PARD3: variants seen among roughly 807,000 people sequenced by gnomAD.
PARD3 encodes par-3 family cell polarity regulator, also known as partitioning defective 3 homolog.
PARD3 carries 75 observed loss-of-function variants against 155.4 expected under a neutral mutation model. The observed-to-expected ratio is 0.48, with a 90% CI of 0.40 to 0.58. The LOEUF (loss-of-function observed/expected upper bound fraction) is 0.58, where lower values mean the gene tolerates loss of function less well. Among genes scored for constraint, PARD3 ranks in the 20% least tolerant of loss-of-function variants. The pLI is 0.00. For synonymous variants in PARD3, 576 were observed against 610.5 expected (o/e 0.94, Z 0.83); for missense variants, 1,642 against 1,721.7 (o/e 0.95, Z 0.82).
intron 2 of PARD3, among the ~76,000 whole-genome samples, chr10:34,525,790 A>G (rs888560465): frequency 9.9e-5 from 15 of 151,932 alleles, no homozygotes; most frequent in African/African-American, 3.6e-4. Flanking sequence ...TATTTTTATT[A>G]ATCAAAAGTC....
chr10:34,178,250 C>T (rs1258891700), intron 22 of PARD3, among the ~76,000 whole-genome samples: 2 of 152,126 alleles, frequency 1.3e-5, no homozygotes, highest in African/African-American at 4.8e-5. Context: ...GACATAATTA[C>T]CTACAGCAAA....
chr10:34,582,689 C>T (rs141737955), intron 2 of PARD3, among the ~76,000 whole-genome samples: 30 of 152,318 alleles, frequency 2.0e-4, no homozygotes, highest in Middle Eastern at 3.4e-3. Context: ...GTGACACAGA[C>T]TAAGCAGTGC....
At chr10:34,250,052 C>T (rs1362416684) in intron 22 of PARD3, among the ~76,000 whole-genome samples, 2 of 152,108 alleles carry the variant, frequency 1.3e-5, no homozygotes, top group East Asian at 1.9e-4. Context: ...TACTTCCTGC[C>T]TGCTGCATAC....
chr10:34,660,566 G>A (rs529359235), intron 2 of PARD3, among the ~76,000 whole-genome samples: 3 of 152,118 alleles, frequency 2.0e-5, no homozygotes, highest in South Asian at 2.1e-4. Flanking sequence ...CTCATCACAC[G>A]GATGCTGAAA....
At chr10:34,615,816 A>C (rs1201616924) in intron 2 of PARD3, among the ~76,000 whole-genome samples, 26 of 152,184 alleles carry the variant, frequency 1.7e-4, no homozygotes. Flanking sequence ...AAGACATACA[A>C]ATGGCCAAGA....
intron 22 of PARD3, among the ~76,000 whole-genome samples, chr10:34,190,927 T>G (rs192478093): frequency 6.6e-6 from 1 of 151,900 alleles, no homozygotes; most frequent in African/African-American, 2.4e-5. Context: ...GTAGTTCAAC[T>G]AGGCTGGTGT....
intron 1 of PARD3, among the ~76,000 whole-genome samples, chr10:34,715,286 C>G (rs1036036805): frequency 6.6e-6 from 1 of 152,074 alleles, no homozygotes; most frequent in African/African-American, 2.4e-5. Context: ...CTGTGTTGCC[C>G]AGGCTGGTCT....
At chr10:34,716,214 A>G (rs2094517499) in intron 1 of PARD3, among the ~76,000 whole-genome samples, 1 of 152,200 alleles carries the variant, frequency 6.6e-6, no homozygotes, top group African/African-American at 2.4e-5. Flanking sequence ...CCTTCAGTTT[A>G]TTTAAGAAAT....
In PARD3 at chr10:34,467,812, T is replaced by C. The variant is rs184171278; in HGVS notation, c.582+2273A>G. Among the ~76,000 whole-genome samples, 105 of 152,328 alleles carry C rather than the reference T, an allele frequency of 6.9e-4. 1 individual carries two copies. The South Asian group carries it at 7.9e-3, about 11-fold the overall frequency. ...GCGTCAGCTAGGTGGATGTGGTTAATTGGCAGTGAGAGTCTCAGTGCTCTC... is the reference window on the plus strand; with the variant it reads ...GCGTCAGCTAGGTGGATGTGGTTAACTGGCAGTGAGAGTCTCAGTGCTCTC... On this transcript the variant is annotated intron_variant, in intron 4 of 24. Coordinates refer to ENST00000374788, the MANE Select transcript of PARD3 (RefSeq NM_001184785.2).
At chr10:34,698,178 C>A (rs976790986) in intron 1 of PARD3, among the ~76,000 whole-genome samples, 2 of 152,156 alleles carry the variant, frequency 1.3e-5, no homozygotes, top group African/African-American at 4.8e-5. Context: ...GCTTATGAAA[C>A]CATTCTTTAA....
chr10:34,437,943 T>C (rs2076271098), intron 5 of PARD3, among the ~76,000 whole-genome samples: 1 of 152,218 alleles, frequency 6.6e-6, no homozygotes, highest in Admixed American at 6.5e-5. Flanking sequence ...ACAACTATCT[T>C]GGGCCTATAA....
At chr10:34,491,541 G>A (rs2079907547) in intron 3 of PARD3, among the ~76,000 whole-genome samples, 1 of 152,126 alleles carries the variant, frequency 6.6e-6, no homozygotes. Flanking sequence ...ACTCCCCAAG[G>A]AAGTAAACAA....
chr10:34,631,917 T>C (rs543227073), intron 2 of PARD3, among the ~76,000 whole-genome samples: 69 of 152,120 alleles, frequency 4.5e-4, no homozygotes, highest in African/African-American at 1.4e-3. Context: ...TCTTAATAGG[T>C]GGATGTTTTG....
At position 34,651,011 on chromosome 10, in the gene PARD3, C is replaced by CAAA. The variant is rs60113552; in HGVS notation, c.222+45304_222+45306dup. Among the ~76,000 whole-genome samples the CAAA allele has an allele frequency of 3.4e-4, 15 of 44,546 alleles. 3 individuals carry two copies. Among genetic ancestry groups the CAAA allele is most frequent in the Admixed American group, 1.2e-3 (4 of 3,274 alleles). The allele number at this position is 44,546 out of a possible 152,430, so 29.2% of individuals were successfully genotyped here. A position where few individuals can be genotyped will look rare whatever the true frequency, so the allele number is the denominator to read the frequency against. ...GGGCAACAAGAACGAAACTCTGTCT[C>CAAA]AAAAAAAAAAAAAAAAAAAAAAAAA... is the stretch of plus-strand genomic sequence containing the variant. On this transcript the variant is annotated intron_variant, in intron 2 of 24. Transcript: ENST00000374788.
intron 2 of PARD3, among the ~76,000 whole-genome samples, chr10:34,556,618 G>A (rs1406829034): frequency 1.3e-5 from 2 of 152,084 alleles, no homozygotes; most frequent in African/African-American, 4.8e-5. Context: ...TCCTGACCTC[G>A]TGATCCGCCC....
chr10:34,635,199 T>TC lies in PARD3; in HGVS notation c.222+61118dup, dbSNP rs142923327. On this transcript the variant is annotated intron_variant, in intron 2 of 24. Transcript: ENST00000374788. ...GCTCCATGGATGAATTCAAGGCTTCTCCCCATGGGTGCTCTCAGCCCACCA... is the reference window on the plus strand; with the variant it reads ...GCTCCATGGATGAATTCAAGGCTTCTCCCCCATGGGTGCTCTCAGCCCACCA... Among the ~76,000 whole-genome samples the TC allele has an allele frequency of 1.3e-3, 200 of 152,364 alleles. 1 individual carries two copies. Among genetic ancestry groups the TC allele is most frequent in the African/African-American group, 4.4e-3 (185 of 41,592 alleles).
intron 20 of PARD3, among the ~76,000 whole-genome samples, chr10:34,298,446 A>T (rs1288159789): frequency 6.6e-6 from 1 of 152,238 alleles, no homozygotes; most frequent in Non-Finnish European, 1.5e-5. Flanking sequence ...CACACACTAC[A>T]ACACGGATGA....
intron 2 of PARD3, among the ~76,000 whole-genome samples, chr10:34,694,238 G>C (rs780287395): frequency 6.6e-5 from 10 of 151,962 alleles, no homozygotes; most frequent in South Asian, 6.2e-4. Flanking sequence ...TTAATTCATC[G>C]CTTTCTAATA....
intron 22 of PARD3, among the ~76,000 whole-genome samples, chr10:34,225,725 C>G (rs1008872205): frequency 1.3e-5 from 2 of 152,082 alleles, no homozygotes; most frequent in Non-Finnish European, 2.9e-5. Flanking sequence ...ATCTCATATA[C>G]AAAAATTATC....
Sources: gnomAD v4.1 joint callset for allele counts (sites outside exome capture counted in the v4.1 genomes callset) on GRCh38, gnomAD v4.1.1 for gene constraint, MANE v1.5 for transcripts, NCBI Gene and HGNC (gene_info 2026-07-23, HGNC 2026-07-21) for gene names.